ZNF804A: variants seen among roughly 807,000 people sequenced by gnomAD.
The protein encoded by ZNF804A is zinc finger protein 804A.
ZNF804A carries 2 observed loss-of-function variants against 16.5 expected under a neutral mutation model. That is an observed-to-expected ratio of 0.12 (90% CI 0.05 to 0.38). The LOEUF (loss-of-function observed/expected upper bound fraction) is 0.38, where lower values mean the gene tolerates loss of function less well. Ranked by LOEUF, ZNF804A falls within the 10% of genes least tolerant of loss-of-function variation. The probability of loss-of-function intolerance (pLI) is 0.99; values close to 1 mark genes in which losing one functional copy is unlikely to be tolerated. For synonymous variants in ZNF804A, 534 were observed against 489.6 expected (o/e 1.09, Z -1.20); for missense variants, 1,473 against 1,390.7 (o/e 1.06, Z -0.94).
chr2:184,788,454 A>G (rs564251560), intron 1 of ZNF804A, among the ~76,000 whole-genome samples: 84 of 152,150 alleles, frequency 5.5e-4, no homozygotes, highest in African/African-American at 2.0e-3. Context: ...AATATTGATT[A>G]TGTAAATCCA....
At chr2:184,655,407 C>A (rs1375164632) in intron 1 of ZNF804A, among the ~76,000 whole-genome samples, 1 of 151,784 alleles carries the variant, frequency 6.6e-6, no homozygotes. Flanking sequence ...TGTTTACAGC[C>A]CAAGATTACA....
intron 1 of ZNF804A, among the ~76,000 whole-genome samples, chr2:184,795,154 A>C (rs1353879093): frequency 6.6e-6 from 1 of 152,170 alleles, no homozygotes; most frequent in Non-Finnish European, 1.5e-5. Flanking sequence ...TCTCCAGGGT[A>C]GACCATATTT....
intron 1 of ZNF804A, among the ~76,000 whole-genome samples, chr2:184,630,025 T>C (rs1327065795): frequency 6.6e-6 from 1 of 152,140 alleles, no homozygotes; most frequent in African/African-American, 2.4e-5. Flanking sequence ...ATAATGACTT[T>C]AAAGCAATGT....
At chr2:184,665,613 C>G (rs2105709139) in intron 1 of ZNF804A, among the ~76,000 whole-genome samples, 1 of 152,292 alleles carries the variant, frequency 6.6e-6, no homozygotes, top group South Asian at 2.1e-4. Flanking sequence ...CTCACAAAAC[C>G]AGAGGCAAGG....
intron 1 of ZNF804A, among the ~76,000 whole-genome samples, chr2:184,702,526 C>A (rs1692936804): frequency 6.6e-6 from 1 of 151,944 alleles, no homozygotes; most frequent in Non-Finnish European, 1.5e-5. Context: ...TTCCTAACTC[C>A]CTTCTTTACT....
chr2:184,773,783 T>C lies in ZNF804A; in HGVS notation c.112-92586T>C, dbSNP rs959313686. On this transcript the variant is annotated intron_variant, in intron 1 of 3. Transcript: ENST00000302277. Reference sequence around the variant, plus strand: ...TCATGTAATGAGAAACCACCTGTTCTCCCAAAATCCATTGAAATAAAAATT... The same window carrying C: ...TCATGTAATGAGAAACCACCTGTTCCCCCAAAATCCATTGAAATAAAAATT... 9.2e-5 allele frequency among the ~76,000 whole-genome samples: 14 copies of C among 151,926 alleles called. No homozygotes were observed. In the Middle Eastern group the frequency reaches 0.01, roughly 111 times the overall value.
At chr2:184,677,229 A>C (rs779954814) in intron 1 of ZNF804A, among the ~76,000 whole-genome samples, 1 of 151,974 alleles carries the variant, frequency 6.6e-6, no homozygotes, top group Non-Finnish European at 1.5e-5. Context: ...TAGTTGATTC[A>C]AGAGATATAA....
At chr2:184,930,290 A>G (rs1410230159) in intron 2 of ZNF804A, among the ~76,000 whole-genome samples, 1 of 152,210 alleles carries the variant, frequency 6.6e-6, no homozygotes, top group Non-Finnish European at 1.5e-5. Context: ...TTTGATGCAT[A>G]TGATAAAATT....
In ZNF804A at chr2:184,657,624, A is replaced by T. The variant is rs151182869; in HGVS notation, c.111+58554A>T. Among the ~76,000 whole-genome samples the T allele has an allele frequency of 9.6e-3, 1,466 of 152,314 alleles. 26 individuals are homozygous for T. The highest frequency in any genetic ancestry group is 0.034 in the African/African-American group (1,397 of 41,568). Reference sequence around the variant, plus strand: ...GGTGTATGTCAAGAAACCTGAGTATATGCACCCAAATTAATTATTATTTTT... The same window carrying T: ...GGTGTATGTCAAGAAACCTGAGTATTTGCACCCAAATTAATTATTATTTTT... On this transcript the variant is annotated intron_variant, in intron 1 of 3. Coordinates refer to ENST00000302277, the MANE Select transcript of ZNF804A (RefSeq NM_194250.2).
intron 1 of ZNF804A, among the ~76,000 whole-genome samples, chr2:184,753,079 T>C (rs72901862): frequency 0.052 from 7,849 of 151,728 alleles, 258 homozygotes; most frequent in Middle Eastern, 0.078. Context: ...GTTAATTTGG[T>C]AGAAGTAATG....
chr2:184,936,451 G>A lies in ZNF804A; in HGVS notation c.1055G>A (p.Ser352Asn), dbSNP rs758003155. Reference sequence around the variant, plus strand: ...GAAGACATACCTGTTAGTGGTAACAGTTTTGAGTTGTTAGGAAATAAATCC... The same window carrying A: ...GAAGACATACCTGTTAGTGGTAACAATTTTGAGTTGTTAGGAAATAAATCC... ...INEDIPVSGN[S>N]FELLGNKSTV... The change falls in exon 4 of 4, where the codon AGT becomes AAT. Residue 352 changes from serine (S) to asparagine (N), a missense_variant. Physicochemically the swap from Ser to Asn is conservative, Grantham distance 46. Transcript: ENST00000302277. 1.9e-6 allele frequency: 3 copies of A among 1,613,934 alleles called. No homozygotes were observed. Among genetic ancestry groups the A allele is most frequent in the South Asian group, 1.1e-5 (1 of 91,078 alleles).
At chr2:184,617,311 A>AT (rs1691340972) in intron 1 of ZNF804A, among the ~76,000 whole-genome samples, 1 of 152,082 alleles carries the variant, frequency 6.6e-6, no homozygotes, top group South Asian at 2.1e-4. Flanking sequence ...TTATGTAGAA[A>AT]TTAGGTATAA....
chr2:184,758,589 AATTT>A (rs1372658183), intron 1 of ZNF804A, among the ~76,000 whole-genome samples: 6 of 151,974 alleles, frequency 3.9e-5, no homozygotes, highest in Non-Finnish European at 8.8e-5. Flanking sequence ...AGTTATAAGT[AATTT>A]ATTTATCAAG....
chr2:184,652,763 C>A (rs1401425421), intron 1 of ZNF804A, among the ~76,000 whole-genome samples: 2 of 152,110 alleles, frequency 1.3e-5, no homozygotes, highest in Non-Finnish European at 2.9e-5. Context: ...CCCATAATCC[C>A]CATGTGTTAT....
chr2:184,613,774 G>A (rs915883889), intron 1 of ZNF804A, among the ~76,000 whole-genome samples: 6 of 152,016 alleles, frequency 3.9e-5, no homozygotes, highest in African/African-American at 1.4e-4. Context: ...ACTGCTCAAG[G>A]AAATAAGAGA....
At position 184,879,688 on chromosome 2, in the gene ZNF804A, T is replaced by A. The variant is rs547148430; in HGVS notation, c.255+13176T>A. On this transcript the variant is annotated intron_variant, in intron 2 of 3. Coordinates refer to ENST00000302277, the MANE Select transcript of ZNF804A (RefSeq NM_194250.2). The stretch of plus-strand genomic sequence containing the variant: ...GAAATTTAGGGATTTGAGAAAATAA[T>A]TTTTTGGTACTGACACACATCTACA... Among the ~76,000 whole-genome samples, 4 of 152,146 alleles carry A rather than the reference T, an allele frequency of 2.6e-5. No homozygotes were observed. The East Asian group carries it at 7.7e-4, about 29-fold the overall frequency.
chr2:184,810,777 A>G (rs1250655829), intron 1 of ZNF804A, among the ~76,000 whole-genome samples: 1 of 152,106 alleles, frequency 6.6e-6, no homozygotes, highest in African/African-American at 2.4e-5. Context: ...GGCGTGAGCC[A>G]CCGCGCCTGG....
chr2:184,700,284 A>G (rs1284239704), intron 1 of ZNF804A, among the ~76,000 whole-genome samples: 1 of 152,120 alleles, frequency 6.6e-6, no homozygotes, highest in Non-Finnish European at 1.5e-5. Flanking sequence ...GAATAAATTT[A>G]ACTAAATAGA....
chr2:184,603,311 T>A (rs1439394002), intron 1 of ZNF804A, among the ~76,000 whole-genome samples: 39 of 152,176 alleles, frequency 2.6e-4, no homozygotes, highest in Admixed American at 2.6e-3. Flanking sequence ...AAAAAATATA[T>A]TCACATCTTT....
Sources: gnomAD v4.1 joint callset for allele counts (sites outside exome capture counted in the v4.1 genomes callset) on GRCh38, gnomAD v4.1.1 for gene constraint, MANE v1.5 for transcripts, NCBI Gene and HGNC (gene_info 2026-07-23, HGNC 2026-07-21) for gene names.